SETD9: variants seen among roughly 807,000 people sequenced by gnomAD.
The protein encoded by SETD9 is SET domain-containing protein 9.
Under a neutral mutation model 36.4 loss-of-function variants are expected in SETD9, and 37 were observed. The ratio of observed to expected loss-of-function variants is 1.02; its 90% CI spans 0.78 to 1.34. The LOEUF is 1.34. Among genes scored for constraint, SETD9 ranks in the 40% most tolerant of loss-of-function variants. The pLI, the probability that SETD9 is intolerant of heterozygous loss-of-function variation, is 0.00. For synonymous variants in SETD9, 128 were observed against 132.9 expected (o/e 0.96, Z 0.26); for missense variants, 323 against 353.2 (o/e 0.91, Z 0.69).
At chr5:56,925,173 C>T (rs1003085227) in intron 5 of SETD9, among the ~76,000 whole-genome samples, 3 of 152,094 alleles carry the variant, frequency 2.0e-5, no homozygotes, top group African/African-American at 7.2e-5. Context: ...AAATTATACG[C>T]TTTATCTCAT....
upstream of SETD9, chr5:56,909,594 G>T: frequency 6.8e-7 from 1 of 1,470,884 alleles, no homozygotes; most frequent in Non-Finnish European, 9.2e-7. Flanking sequence ...CGGGCCCGAG[G>T]CCTCGATCCG....
At chr5:56,914,736 G>C (rs1749339538) in intron 4 of SETD9, 125 bp from the exon 5 acceptor site, 2 of 477,390 alleles carry the variant, frequency 4.2e-6, no homozygotes, top group Non-Finnish European at 7.1e-6. Flanking sequence ...CTGGAACATA[G>C]TAGTAATTAT....
At chr5:56,911,144 G>T in intron 1 of SETD9, 25 bp from the exon 2 acceptor site, 1 of 1,520,834 alleles carries the variant, frequency 6.6e-7, no homozygotes, top group South Asian at 1.4e-5. Context: ...GAAGGGTAGT[G>T]AATAGAAACT....
chr5:56,922,785 AGGTT>A, intron 5 of SETD9: 5 of 266,052 alleles, frequency 1.9e-5, no homozygotes, highest in South Asian at 5.6e-5. Context: ...CTCTGTCTAC[AGGTT>A]TTAAAATTGG....
chr5:56,920,724 C>G (rs1010674573), downstream of SETD9: 2 of 152,052 alleles, frequency 1.3e-5, no homozygotes, highest in African/African-American at 2.4e-5. Flanking sequence ...AATGTCACAT[C>G]AAGCATGCAC....
chr5:56,923,059 T>C, intron 5 of SETD9: 3 of 1,339,398 alleles, frequency 2.2e-6, no homozygotes, highest in Non-Finnish European at 3.1e-6. Context: ...AGTGAAAGAC[T>C]ATGCAAACCT....
At chr5:56,924,024 C>T in intron 5 of SETD9, 1 of 1,613,454 alleles carries the variant, frequency 6.2e-7, no homozygotes, top group Non-Finnish European at 8.5e-7. Context: ...ACACACTCAG[C>T]AACTGTCCTA....
Position 56,916,809 on chromosome 5 carries a change from T to A in SETD9, c.813-6T>A. 6.2e-7 allele frequency: 1 copy of A among 1,600,020 alleles called. No individual in the cohort carries two copies. The highest frequency in any genetic ancestry group is 8.5e-7 in the Non-Finnish European group (1 of 1,175,746). Reference sequence around the variant, plus strand: ...CTCTACCTTTTGTATATCTTTTTGTTTTCAGCCCACTTCGATGTGTTGTTC... The same window carrying A: ...CTCTACCTTTTGTATATCTTTTTGTATTCAGCCCACTTCGATGTGTTGTTC... On this transcript the variant is annotated splice_polypyrimidine_tract_variant and splice_region_variant and intron_variant, in intron 5 of 5. Coordinates refer to ENST00000285947, the MANE Select transcript of SETD9 (RefSeq NM_153706.4).
At chr5:56,920,886 C>G (rs1749640351), downstream of SETD9, 1 of 152,456 alleles carries the variant, frequency 6.6e-6, no homozygotes, top group African/African-American at 2.4e-5. Context: ...CTAGTTAGCA[C>G]TCTCTAAGAG....
chr5:56,919,478 A>G (rs1471935833), downstream of SETD9: 1 of 152,178 alleles, frequency 6.6e-6, no homozygotes, highest in African/African-American at 2.4e-5. Flanking sequence ...TATCTATCAT[A>G]TATCTTATTT....
Position 56,913,883 on chromosome 5 carries a change from T to C in SETD9, c.600T>C (p.Asn200=), listed in dbSNP as rs1490401965. Residue 200 remains asparagine, a synonymous_variant, in exon 4 of 6, where the codon AAT becomes AAC. Transcript: ENST00000285947. ...GISKVVYRSC[N]GRDRLGPLKM... is the part of the protein sequence containing the mutation. ...CTTTCACTTGTTTCAGATCTTGCAA[T>C]GGGAGGGATCGACTCGGCCCTTTAA... The C allele has an allele frequency of 6.2e-7, 1 of 1,607,948 alleles. No homozygotes were observed. Among genetic ancestry groups the C allele is most frequent in the African/African-American group, 1.3e-5 (1 of 74,776 alleles).
At chr5:56,910,639 T>C in intron 1 of SETD9, 1 of 271,434 alleles carries the variant, frequency 3.7e-6, no homozygotes, top group Non-Finnish European at 7.3e-6. Flanking sequence ...ATAATGATTA[T>C]GGAAATAAGA....
downstream of SETD9, among the ~76,000 whole-genome samples, chr5:56,918,984 TGTAGTCTGTCAAATAATA>T (rs1218208007): frequency 2.0e-5 from 3 of 152,196 alleles, no homozygotes; most frequent in Non-Finnish European, 4.4e-5. Context: ...TGACCATAAA[TGTAGTCTGTCAAATAATA>T]ATAATATTTG....
At chr5:56,909,920 G>A in intron 1 of SETD9, 177 bp downstream of exon 1, 1 of 1,018,732 alleles carries the variant, frequency 9.8e-7, no homozygotes, top group South Asian at 1.7e-5. Context: ...GCCTCGGAGG[G>A]GTTTAAGGAA....
At chr5:56,924,076 A>G (rs1230084506) in intron 5 of SETD9, 1 of 1,587,828 alleles carries the variant, frequency 6.3e-7, no homozygotes, top group Non-Finnish European at 8.5e-7. Flanking sequence ...AAAAACCAAC[A>G]AACTCAACCA....
downstream of SETD9, among the ~76,000 whole-genome samples, chr5:56,927,506 A>G (rs561963824): frequency 1.2e-4 from 18 of 152,310 alleles, no homozygotes; most frequent in African/African-American, 3.6e-4. Context: ...GGAAATAAAC[A>G]GAGCATATTT....
chr5:56,911,161 AT>A lies in SETD9; in HGVS notation c.99-4del. 1 of 1,522,512 alleles carries A rather than the reference AT, an allele frequency of 6.6e-7. No individual in the cohort carries two copies. The highest frequency in any genetic ancestry group is 8.8e-7 in the Non-Finnish European group (1 of 1,140,090). 94.3% of individuals were successfully genotyped at this position (1,522,512 alleles called of 1,614,324 possible). A position where few individuals can be genotyped will look rare whatever the true frequency, so the allele number is the denominator to read the frequency against. ...AGGGTAGTGAATAGAAACTTTTCCC[AT>A]TTTCAGGACCCTCCGATATGTTCCA... is the stretch of plus-strand genomic sequence containing the variant. On this transcript the variant is annotated splice_region_variant and splice_polypyrimidine_tract_variant and intron_variant, in intron 1 of 5. Coordinates refer to ENST00000285947, the MANE Select transcript of SETD9 (RefSeq NM_153706.4).
At chr5:56,924,233 G>A (rs1749842700) in intron 5 of SETD9, among the ~76,000 whole-genome samples, 1 of 151,490 alleles carries the variant, frequency 6.6e-6, no homozygotes, top group South Asian at 2.1e-4. Context: ...TAATAATGAG[G>A]CCATTTTCGA....
intron 2 of SETD9, 144 bp downstream of exon 2, chr5:56,911,680 TC>T: frequency 1.1e-6 from 1 of 870,908 alleles, no homozygotes; most frequent in Non-Finnish European, 1.6e-6. Context: ...CAATTCTAAT[TC>T]GGAAATTAAC....
Sources: gnomAD v4.1 joint callset for allele counts (sites outside exome capture counted in the v4.1 genomes callset) on GRCh38, gnomAD v4.1.1 for gene constraint, MANE v1.5 for transcripts, NCBI Gene and HGNC (gene_info 2026-07-23, HGNC 2026-07-21) for gene names.